RASSF8: variants seen among roughly 807,000 people sequenced by gnomAD.
RASSF8 encodes the protein Ras association domain family member 8.
RASSF8 carries 22 observed loss-of-function variants against 48.5 expected under a neutral mutation model. The observed-to-expected ratio is 0.45, with a 90% CI of 0.32 to 0.65. The LOEUF (loss-of-function observed/expected upper bound fraction) is 0.65, where lower values mean the gene tolerates loss of function less well. Among genes scored for constraint, RASSF8 ranks in the 30% least tolerant of loss-of-function variants. The pLI, the probability that RASSF8 is intolerant of heterozygous loss-of-function variation, is 0.03. For missense variants in RASSF8, 418 were observed against 489.2 expected, an observed-to-expected ratio of 0.85 and a Z score of 1.37; for synonymous variants, 127 against 171.5, an observed-to-expected ratio of 0.74 and a Z score of 2.03.
chr12:25,996,135 A>G (rs1942127392), intron 2 of RASSF8, among the ~76,000 whole-genome samples: 1 of 152,220 alleles, frequency 6.6e-6, no homozygotes, highest in Non-Finnish European at 1.5e-5. Flanking sequence ...AACCATGACT[A>G]GAAGGCTGCA....
chr12:26,058,631 G>C (rs1296149360), intron 3 of RASSF8, among the ~76,000 whole-genome samples: 1 of 152,090 alleles, frequency 6.6e-6, no homozygotes, highest in Non-Finnish European at 1.5e-5. Flanking sequence ...GGAAACCATA[G>C]AAACTATCAA....
intron 1 of RASSF8, among the ~76,000 whole-genome samples, chr12:25,976,654 A>C (rs1250207256): frequency 6.6e-6 from 1 of 152,198 alleles, no homozygotes; most frequent in Non-Finnish European, 1.5e-5. Flanking sequence ...CTGCTCCCAC[A>C]CTGTGGAGTG....
chr12:26,042,116 T>A (rs768263824), intron 2 of RASSF8, among the ~76,000 whole-genome samples: 1 of 152,246 alleles, frequency 6.6e-6, no homozygotes, highest in South Asian at 2.1e-4. Flanking sequence ...TTTGGTTTAT[T>A]ATTTATCCAG....
intron 2 of RASSF8, among the ~76,000 whole-genome samples, chr12:26,025,484 C>A (rs1296443254): frequency 6.6e-6 from 1 of 150,986 alleles, no homozygotes; most frequent in Non-Finnish European, 1.5e-5. Flanking sequence ...ATGGCGTGAA[C>A]CCGGGAGATG....
intron 1 of RASSF8, among the ~76,000 whole-genome samples, chr12:25,964,368 A>G (rs1941308743): frequency 2.0e-5 from 3 of 151,630 alleles, no homozygotes; most frequent in African/African-American, 7.3e-5. Context: ...AATTTTATGT[A>G]TGCAGCAAAA....
At chr12:26,056,002 A>G (rs1277059877) in intron 3 of RASSF8, among the ~76,000 whole-genome samples, 1 of 152,114 alleles carries the variant, frequency 6.6e-6, no homozygotes, top group Non-Finnish European at 1.5e-5. Context: ...CCTGGCAAAC[A>G]TGGTCAAACC....
chr12:26,052,897 A>G (rs2137226582), intron 2 of RASSF8: 1 of 152,352 alleles, frequency 6.6e-6, no homozygotes, highest in Non-Finnish European at 1.5e-5. Flanking sequence ...AACAATGATA[A>G]TTCAGATAGG....
At chr12:26,059,864 C>T (rs913891290) in intron 3 of RASSF8, among the ~76,000 whole-genome samples, 8 of 152,078 alleles carry the variant, frequency 5.3e-5, no homozygotes, top group African/African-American at 1.7e-4. Flanking sequence ...ATTTTTTTAA[C>T]GTAACCAGCA....
intron 2 of RASSF8, among the ~76,000 whole-genome samples, chr12:26,044,021 A>G (rs913875929): frequency 6.6e-6 from 1 of 152,200 alleles, no homozygotes; most frequent in African/African-American, 2.4e-5. Context: ...ATTTTTCTGT[A>G]TGTTATACTG....
intron 2 of RASSF8, among the ~76,000 whole-genome samples, chr12:26,007,979 T>C (rs1354998852): frequency 6.6e-6 from 1 of 152,304 alleles, no homozygotes; most frequent in African/African-American, 2.4e-5. Flanking sequence ...GATATTACTT[T>C]AAAATGTTCT....
intron 2 of RASSF8, among the ~76,000 whole-genome samples, chr12:26,030,217 G>C (rs962496952): frequency 4.0e-5 from 6 of 151,858 alleles, no homozygotes; most frequent in Non-Finnish European, 5.9e-5. Flanking sequence ...TTCTTAGTAG[G>C]TTTTTTTCCC....
At chr12:25,998,855 T>TA (rs901041892) in intron 2 of RASSF8, among the ~76,000 whole-genome samples, 23 of 151,986 alleles carry the variant, frequency 1.5e-4, no homozygotes, top group African/African-American at 4.1e-4. Context: ...GTCTAATTAA[T>TA]AAAAAAACAA....
rs1192849409 is a variant in RASSF8, at chr12:26,071,752, T to C, written c.*2934T>C. ...TGAGGTAATCATCAATTCCTATAGTTCAAATTAGTCATAAACAAGAGCTAC... is the reference window on the plus strand; with the variant it reads ...TGAGGTAATCATCAATTCCTATAGTCCAAATTAGTCATAAACAAGAGCTAC... On this transcript the variant is annotated 3_prime_UTR_variant, in exon 6 of 6. Coordinates refer to ENST00000689635, the MANE Select transcript of RASSF8 (RefSeq NM_001394098.1). 1 of 983,778 alleles carries C rather than the reference T, an allele frequency of 1.0e-6. No individual in the cohort carries two copies. The highest frequency in any genetic ancestry group is 1.2e-6 in the Non-Finnish European group (1 of 828,590). The allele number at this position is 983,778 out of a possible 1,614,324, so 60.9% of individuals were successfully genotyped here. A position where few individuals can be genotyped will look rare whatever the true frequency, so the allele number is the denominator to read the frequency against.
rs1592227245 is a variant in RASSF8 at position 25,980,000 on chromosome 12, A to ACCC, written c.-202-15037_-202-15036insCCC. Among the ~76,000 whole-genome samples the ACCC allele has an allele frequency of 7.9e-5, 12 of 152,212 alleles. No individual in the cohort carries two copies. In the East Asian group the frequency reaches 2.3e-3, roughly 29 times the overall value. On this transcript the variant is annotated intron_variant, in intron 1 of 5. Coordinates refer to ENST00000689635, the MANE Select transcript of RASSF8 (RefSeq NM_001394098.1). ...TTCTTGGAAAAGGTGACTCTTAAAT[A>ACCC]GAGGTTCACAGTGACAAAATTCAGA... is the stretch of plus-strand genomic sequence containing the variant.
chr12:26,047,726 G>A (rs1943401947), intron 2 of RASSF8, among the ~76,000 whole-genome samples: 1 of 152,220 alleles, frequency 6.6e-6, no homozygotes, highest in Non-Finnish European at 1.5e-5. Context: ...GGACAAAAGA[G>A]CACCAGCAGG....
intron 1 of RASSF8, among the ~76,000 whole-genome samples, chr12:25,961,826 A>G (rs1941242554): frequency 6.6e-6 from 1 of 152,202 alleles, no homozygotes; most frequent in Non-Finnish European, 1.5e-5. Flanking sequence ...TCCAAGGAGT[A>G]GCTCACTCCA....
At chr12:26,040,432 C>A (rs1480196800) in intron 2 of RASSF8, among the ~76,000 whole-genome samples, 2 of 152,158 alleles carry the variant, frequency 1.3e-5, no homozygotes, top group Non-Finnish European at 2.9e-5. Flanking sequence ...GGTGAAGTGG[C>A]ATCTTACCCG....
At chr12:25,976,224 C>G (rs1941601230) in intron 1 of RASSF8, among the ~76,000 whole-genome samples, 2 of 152,256 alleles carry the variant, frequency 1.3e-5, no homozygotes, top group Middle Eastern at 3.4e-3. Context: ...AAACTGTAAC[C>G]CTCCGCTTAA....
intron 2 of RASSF8, among the ~76,000 whole-genome samples, chr12:25,998,367 G>A (rs1423423237): frequency 1.3e-5 from 1 of 75,196 alleles, no homozygotes; most frequent in East Asian, 4.0e-4. Flanking sequence ...TTTTTTTTTT[G>A]AGATGGAGTT....
Sources: allele counts gnomAD v4.1 joint callset (sites outside exome capture counted in the v4.1 genomes callset), GRCh38; gene constraint gnomAD v4.1.1; transcripts MANE v1.5; gene names NCBI Gene and HGNC (gene_info 2026-07-23, HGNC 2026-07-21).